CA10: variants seen among roughly 807,000 people sequenced by gnomAD.
CA10 encodes the protein carbonic anhydrase 10 (inactive).
Under a neutral mutation model 44.2 loss-of-function variants are expected in CA10, and 14 were observed. The ratio of observed to expected loss-of-function variants is 0.32; its 90% confidence interval spans 0.21 to 0.50. The LOEUF is 0.50. CA10 is among the 20% of genes least tolerant of loss of function. The pLI is 0.99. For missense variants in CA10, 350 were observed against 409.7 expected, an observed-to-expected ratio of 0.85 and a Z score of 1.26; for synonymous variants, 159 against 141.6, an observed-to-expected ratio of 1.12 and a Z score of -0.87.
chr17:51,863,001 C>A (rs1979382124), intron 3 of CA10, among the ~76,000 whole-genome samples: 1 of 152,118 alleles, frequency 6.6e-6, no homozygotes, highest in Non-Finnish European at 1.5e-5. Context: ...CACTCTATAA[C>A]ATAAACCAAA....
At chr17:51,998,915 C>A (rs1985330217) in intron 2 of CA10, among the ~76,000 whole-genome samples, 1 of 151,988 alleles carries the variant, frequency 6.6e-6, no homozygotes, top group South Asian at 2.1e-4. Flanking sequence ...TAAACTGGAG[C>A]TAAAGCCAGG....
intron 3 of CA10, among the ~76,000 whole-genome samples, chr17:51,866,394 C>G (rs1598089375): frequency 6.6e-6 from 1 of 152,338 alleles, no homozygotes; most frequent in East Asian, 1.9e-4. Flanking sequence ...CACTTTGTGG[C>G]TATTTTTCTT....
intron 3 of CA10, among the ~76,000 whole-genome samples, chr17:51,834,077 T>C (rs945036077): frequency 5.9e-5 from 9 of 152,152 alleles, no homozygotes; most frequent in African/African-American, 2.2e-4. Context: ...CAAGTGAAAA[T>C]TAAAGCACTT....
chr17:52,136,171 G>A lies in CA10; in HGVS notation c.61+21555C>T, dbSNP rs148932253. On this transcript the variant is annotated intron_variant, in intron 1 of 8. Coordinates refer to ENST00000451037, the MANE Select transcript of CA10 (RefSeq NM_020178.5). ...CTGGCAGAATATAAGAGAAAGTGAC[G>A]GATGGAGGAACTGGATGCCTAAAAG... 9.2e-3 allele frequency among the ~76,000 whole-genome samples: 1,397 copies of A among 152,278 alleles called. 11 individuals carry two copies. Among genetic ancestry groups the A allele is most frequent in the Non-Finnish European group, 0.015 (1,014 of 68,022 alleles).
intron 4 of CA10, among the ~76,000 whole-genome samples, chr17:51,740,443 A>G (rs1200630564): frequency 6.6e-6 from 1 of 152,064 alleles, no homozygotes; most frequent in Non-Finnish European, 1.5e-5. Flanking sequence ...GAATCAGAAG[A>G]CCCGAACTAA....
intron 3 of CA10, among the ~76,000 whole-genome samples, chr17:51,897,689 T>C (rs1981131726): frequency 6.6e-6 from 1 of 152,162 alleles, no homozygotes; most frequent in African/African-American, 2.4e-5. Context: ...GATTCATCTA[T>C]ACATGAGCAT....
rs559529136 is a variant in CA10, at chr17:51,890,392, G to A, written c.279+40598C>T. Among the ~76,000 whole-genome samples the A allele has an allele frequency of 2.6e-5, 4 of 152,184 alleles. No homozygotes were observed. In the East Asian group the frequency reaches 7.7e-4, roughly 29 times the overall value. ...CATTTGCTCAATATTTTTGATCCTT[G>A]GCTTCCTCATTTGTAAAAAATACCA... On this transcript the variant is annotated intron_variant, in intron 3 of 8. Transcript: ENST00000451037.
chr17:51,935,170 T>C (rs1982816740), intron 2 of CA10, among the ~76,000 whole-genome samples: 1 of 152,182 alleles, frequency 6.6e-6, no homozygotes, highest in Admixed American at 6.5e-5. Flanking sequence ...CGTGTCACCT[T>C]TTGGAGCAAA....
chr17:51,703,905 C>A (rs750200029), intron 4 of CA10, among the ~76,000 whole-genome samples: 6 of 148,604 alleles, frequency 4.0e-5, no homozygotes, highest in Non-Finnish European at 5.9e-5. Flanking sequence ...TTATCACCTT[C>A]TTTCAGGGAC....
At chr17:51,685,386 A>G (rs955234424) in intron 4 of CA10, among the ~76,000 whole-genome samples, 15 of 152,082 alleles carry the variant, frequency 9.9e-5, no homozygotes, top group Non-Finnish European at 1.9e-4. Flanking sequence ...TCCTCTGGTA[A>G]AGAAAACAAA....
At chr17:52,039,526 C>G (rs1986711207) in intron 2 of CA10, among the ~76,000 whole-genome samples, 1 of 151,992 alleles carries the variant, frequency 6.6e-6, no homozygotes. Context: ...TCTCTGCTAC[C>G]CATATATCAT....
chr17:51,996,038 G>A (rs1985224376), intron 2 of CA10, among the ~76,000 whole-genome samples: 2 of 152,082 alleles, frequency 1.3e-5, no homozygotes, highest in Admixed American at 6.6e-5. Flanking sequence ...GATAATAGTA[G>A]TTACTACTTA....
In CA10 at chr17:51,747,884, T is replaced by C. The variant is rs147473581; in HGVS notation, c.280-66A>G. 1.4e-4 allele frequency: 173 copies of C among 1,280,010 alleles called. No homozygotes were observed. In the South Asian group the frequency reaches 1.6e-3, roughly 12 times the overall value. 79.3% of individuals were successfully genotyped at this position (1,280,010 alleles called of 1,614,324 possible). The stretch of plus-strand genomic sequence containing the variant: ...CTTCTATGCCTCCCCAAACCCAGCA[T>C]GGTGCTTGGATCAACACCTTTTGCT... On this transcript the variant is annotated intron_variant, in intron 3 of 8. Transcript: ENST00000451037.
intron 2 of CA10, among the ~76,000 whole-genome samples, chr17:52,022,652 GAAAA>G (rs1253753327): frequency 1.3e-5 from 2 of 150,910 alleles, no homozygotes; most frequent in Non-Finnish European, 2.9e-5. Context: ...ATCCAAATAG[GAAAA>G]AAAGTCAAAT....
intron 3 of CA10, among the ~76,000 whole-genome samples, chr17:51,782,527 T>G (rs1432416631): frequency 6.6e-6 from 1 of 152,228 alleles, no homozygotes; most frequent in East Asian, 1.9e-4. Flanking sequence ...TTCATTTCTT[T>G]CTGATAAGAA....
intron 2 of CA10, among the ~76,000 whole-genome samples, chr17:51,943,484 AT>A (rs1315339788): frequency 6.6e-6 from 1 of 152,176 alleles, no homozygotes; most frequent in African/African-American, 2.4e-5. Flanking sequence ...AGGAAAATAG[AT>A]TTAGTGAATT....
chr17:51,656,044 G>T (rs1021224437), intron 4 of CA10, among the ~76,000 whole-genome samples: 2 of 152,116 alleles, frequency 1.3e-5, no homozygotes, highest in African/African-American at 4.8e-5. Flanking sequence ...GGGACTGGGG[G>T]GTTCTCACAC....
intron 1 of CA10, among the ~76,000 whole-genome samples, chr17:52,125,559 C>A (rs541562113): frequency 1.3e-5 from 2 of 152,186 alleles, no homozygotes; most frequent in South Asian, 4.2e-4. Flanking sequence ...CCAGGAGTAC[C>A]CTATATGTAA....
At chr17:52,065,233 G>C (rs1206858738) in intron 2 of CA10, among the ~76,000 whole-genome samples, 1 of 152,178 alleles carries the variant, frequency 6.6e-6, no homozygotes, top group Non-Finnish European at 1.5e-5. Context: ...GGCTCTCCTT[G>C]ATCTCCAGAC....
Sources: allele counts gnomAD v4.1 joint callset (sites outside exome capture counted in the v4.1 genomes callset), GRCh38; gene constraint gnomAD v4.1.1; transcripts MANE v1.5; gene names NCBI Gene and HGNC (gene_info 2026-07-23, HGNC 2026-07-21).